Variants in TSBP1 observed in about 807,000 individuals in gnomAD.
The protein encoded by TSBP1 is testis-expressed basic protein 1.
Under a neutral mutation model 68.8 loss-of-function variants are expected in TSBP1, and 56 were observed. That is an observed-to-expected ratio of 0.81 (90% confidence interval 0.66 to 1.02). The LOEUF is 1.02. Among genes scored for constraint, TSBP1 ranks in the 50% least tolerant of loss-of-function variants. TSBP1 has a pLI of 0.00. For missense variants in TSBP1, 502 were observed against 641.2 expected (o/e 0.78, Z 2.34); for synonymous variants, 171 against 208.7 (o/e 0.82, Z 1.56).
At chr6:32,330,295 G>A (rs1336584541) in intron 16 of TSBP1, among the ~76,000 whole-genome samples, 1 of 152,030 alleles carries the variant, frequency 6.6e-6, no homozygotes, top group African/African-American at 2.4e-5. Context: ...AAGCACTTCA[G>A]AACTGGAAAG....
intron 3 of TSBP1, 144 bp downstream of exon 3, chr6:32,368,638 C>G (rs1194193669): frequency 1.2e-6 from 1 of 811,716 alleles, no homozygotes; most frequent in Admixed American, 3.2e-5. Context: ...ATTTCTCCCA[C>G]TCACTTAGAA....
intron 16 of TSBP1, chr6:32,326,109 A>T: frequency 7.1e-7 from 1 of 1,407,980 alleles, no homozygotes; most frequent in Non-Finnish European, 9.9e-7. Flanking sequence ...ACTTTGCCAA[A>T]CCATGAAACC....
chr6:32,358,142 AGG>A (rs1772550684), intron 6 of TSBP1, among the ~76,000 whole-genome samples: 1 of 152,216 alleles, frequency 6.6e-6, no homozygotes, highest in African/African-American at 2.4e-5. Flanking sequence ...AACATATAGT[AGG>A]TGCTGAGTAC....
At chr6:32,300,099 C>T (rs1765131307) in intron 21 of TSBP1, among the ~76,000 whole-genome samples, 163 bp from the exon 25 acceptor site, 2 of 151,392 alleles carry the variant, frequency 1.3e-5, no homozygotes, top group Admixed American at 6.6e-5. Context: ...CTCCATATCG[C>T]ACTCCACACA....
chr6:32,368,960 C>T (rs1020589857), intron 2 of TSBP1, 146 bp from the exon 3 acceptor site: 129 of 943,268 alleles, frequency 1.4e-4, no homozygotes, highest in Non-Finnish European at 1.9e-4. Context: ...CACCCATTTT[C>T]CACATCTCCC....
At chr6:32,307,754 T>C (rs995864411) in intron 19 of TSBP1, among the ~76,000 whole-genome samples, 1 of 151,656 alleles carries the variant, frequency 6.6e-6, no homozygotes, top group Non-Finnish European at 1.5e-5. Flanking sequence ...TTATATCAAG[T>C]TTTGTTTTGT....
rs1773580574 is a variant in TSBP1 at position 32,365,389 on chromosome 6, T to C, written c.217+778A>G. ...TGGTGGCTCATTTGGGGACTCAGCC[T>C]AGATGGGAGAGTGAAATGTGTGAAA... is the stretch of plus-strand genomic sequence containing the variant. On this transcript the variant is annotated intron_variant, in intron 6 of 22. Transcript: ENST00000612031. This position sits in a 1 kb window ranked among gnomAD's most constrained non-coding sequence, Gnocchi z 4.3. 3 of 457,152 alleles carry C rather than the reference T, an allele frequency of 6.6e-6. No individual in the cohort carries two copies. In the Admixed American group the frequency reaches 7.0e-5, roughly 11 times the overall value. 28.3% of individuals were successfully genotyped at this position (457,152 alleles called of 1,614,324 possible). A position where few individuals can be genotyped will look rare whatever the true frequency, so the allele number is the denominator to read the frequency against.
chr6:32,298,398 A>G (rs900262484), intron 22 of TSBP1, among the ~76,000 whole-genome samples: 1 of 152,122 alleles, frequency 6.6e-6, no homozygotes, highest in African/African-American at 2.4e-5. Context: ...TGACCAACAT[A>G]GTGAAACCCT....
intron 9 of TSBP1, among the ~76,000 whole-genome samples, chr6:32,344,484 T>C (rs1770748060): frequency 6.6e-6 from 1 of 152,014 alleles, no homozygotes; most frequent in South Asian, 2.1e-4. Context: ...ACAAGGTCCC[T>C]AGACAAACAA....
rs1464252089 is a variant in TSBP1 at position 32,343,942 on chromosome 6, A to G, written c.350-4304T>C. Among the ~76,000 whole-genome samples, 2 of 152,040 alleles carry G rather than the reference A, an allele frequency of 1.3e-5. No homozygotes were observed. Among genetic ancestry groups the G allele is most frequent in the African/African-American group, 4.8e-5 (2 of 41,334 alleles). Reference sequence around the variant, plus strand: ...TTTAATGATATTAACTTTGATAGTAATTTGTACAAGCTACCATAGAATGAA... The same window carrying G: ...TTTAATGATATTAACTTTGATAGTAGTTTGTACAAGCTACCATAGAATGAA... On this transcript the variant is annotated intron_variant, in intron 9 of 22. Transcript: ENST00000612031. This position sits in a 1 kb window ranked among gnomAD's most constrained non-coding sequence, Gnocchi z 4.3.
chr6:32,314,839 G>A lies in TSBP1; in HGVS notation c.580+933C>T, dbSNP rs1200857105. On this transcript the variant is annotated intron_variant, in intron 19 of 22. Coordinates refer to ENST00000612031, the Ensembl canonical transcript of TSBP1. This position sits in a 1 kb window ranked among gnomAD's most constrained non-coding sequence, Gnocchi z 4.2. ...ATTTTACCTACTATCTGGATTAAGT[G>A]AGATGCTTTGACAACTCTAGATGTG... 7.3e-6 allele frequency among the ~76,000 whole-genome samples: 1 copy of A among 136,400 alleles called. No homozygotes were observed. The highest frequency in any genetic ancestry group is 1.7e-5 in the Non-Finnish European group (1 of 59,764). 89.5% of individuals were successfully genotyped at this position (136,400 alleles called of 152,430 possible). A position where few individuals can be genotyped will look rare whatever the true frequency, so the allele number is the denominator to read the frequency against.
At chr6:32,293,852 G>C in exon 23 of TSBP1, 1 of 1,612,852 alleles carries the variant, frequency 6.2e-7, no homozygotes, top group African/African-American at 1.3e-5. Context: ...TTCTCTTTCT[G>C]GCTCCTTTAT....
intron 16 of TSBP1, chr6:32,326,079 C>T (rs1768189025): frequency 7.7e-6 from 11 of 1,427,578 alleles, no homozygotes; most frequent in Non-Finnish European, 9.8e-6. Context: ...GCTGTGGCCT[C>T]TATGGTGGTG....
At chr6:32,317,167 A>C (rs1013173898) in intron 18 of TSBP1, among the ~76,000 whole-genome samples, 1 of 152,176 alleles carries the variant, frequency 6.6e-6, no homozygotes, top group African/African-American at 2.4e-5. Context: ...GACTACAACT[A>C]TCTGATCTTT....
intron 16 of TSBP1, chr6:32,326,033 T>A (rs1321255936): frequency 2.0e-6 from 3 of 1,518,266 alleles, no homozygotes; most frequent in Non-Finnish European, 1.8e-6. Context: ...TCTTCAAATT[T>A]TGGACCCATG....
chr6:32,366,032 T>G, intron 6 of TSBP1, 135 bp downstream of exon 6: 1 of 1,337,180 alleles, frequency 7.5e-7, no homozygotes, highest in Non-Finnish European at 1.0e-6. Context: ...TTGTGAACAT[T>G]TCTCAGAATA....
chr6:32,339,014 A>G lies in TSBP1; in HGVS notation c.389-15T>C, dbSNP rs553787603. 1 of 1,610,318 alleles carries G rather than the reference A, an allele frequency of 6.2e-7. No individual in the cohort carries two copies. The highest frequency in any genetic ancestry group is 2.2e-5 in the East Asian group (1 of 44,846). ...TGCAGTTCTGGCTAAAATACAAACA[A>G]AAAAGGTGAGTTTGAAGAGAGCATG... On this transcript the variant is annotated splice_polypyrimidine_tract_variant and intron_variant, in intron 10 of 22. Transcript: ENST00000612031.
rs771818794 is a variant in TSBP1 at position 32,339,019 on chromosome 6, G to A, written c.389-20C>T. The A allele has an allele frequency of 6.2e-7, 1 of 1,608,680 alleles. No homozygotes were observed. Among genetic ancestry groups the A allele is most frequent in the African/African-American group, 1.3e-5 (1 of 74,914 alleles). ...TTCTGGCTAAAATACAAACAAAAAA[G>A]GTGAGTTTGAAGAGAGCATGACTCA... On this transcript the variant is annotated intron_variant, in intron 10 of 22. Transcript: ENST00000612031.
chr6:32,322,509 G>T lies in TSBP1; in HGVS notation c.559+608C>A. The T allele has an allele frequency of 6.3e-7, 1 of 1,594,858 alleles. No individual in the cohort carries two copies. Among genetic ancestry groups the T allele is most frequent in the Non-Finnish European group, 8.6e-7 (1 of 1,162,970 alleles). The stretch of plus-strand genomic sequence containing the variant: ...ACTTGCGGTTCTCTGTGAAATTACT[G>T]AAAAATAAGCAAACAGAAATCCATT... On this transcript the variant is annotated intron_variant, in intron 18 of 22. Transcript: ENST00000612031.
Sources: gnomAD v4.1 joint callset for allele counts (sites outside exome capture counted in the v4.1 genomes callset) on GRCh38, gnomAD v4.1.1 for gene constraint, Gnocchi (gnomAD v3.1) non-coding constraint, MANE v1.5 for transcripts, NCBI Gene and HGNC (gene_info 2026-07-23, HGNC 2026-07-21) for gene names.